The following AK9 variants were observed in gnomAD, a reference collection of about 807,000 sequenced individuals.
AK9 encodes the protein adenylate kinase domain containing 1.
In AK9, 191 loss-of-function variants were observed where a neutral mutation model predicts 239.6. The ratio of observed to expected loss-of-function variants is 0.80; its 90% confidence interval spans 0.71 to 0.90. The LOEUF (loss-of-function observed/expected upper bound fraction) is 0.90. Among genes scored for constraint, AK9 ranks in the 40% least tolerant of loss-of-function variants. The pLI is 0.00. For missense variants in AK9, 1,995 were observed against 2,214.7 expected, an observed-to-expected ratio of 0.90 and a Z score of 1.99; for synonymous variants, 689 against 721.0, an observed-to-expected ratio of 0.96 and a Z score of 0.71.
chr6:109,595,361 G>C (rs568457342), intron 17 of AK9, among the ~76,000 whole-genome samples: 10 of 152,340 alleles, frequency 6.6e-5, no homozygotes, highest in Non-Finnish European at 1.5e-4. Flanking sequence ...ACAGATGCTG[G>C]AGAGGACATG....
chr6:109,521,099 G>T (rs1430212315), intron 29 of AK9, among the ~76,000 whole-genome samples: 1 of 151,992 alleles, frequency 6.6e-6, no homozygotes, highest in Admixed American at 6.5e-5. Flanking sequence ...TCTCTTCACT[G>T]ATTGTTCTTT....
At chr6:109,510,031 T>C (rs1778530155) in intron 32 of AK9, among the ~76,000 whole-genome samples, 1 of 152,026 alleles carries the variant, frequency 6.6e-6, no homozygotes, top group Admixed American at 6.5e-5. Context: ...CCAGGGGCCA[T>C]TGATTCCTGG....
At position 109,516,545 on chromosome 6, in the gene AK9, T is replaced by C. The variant is rs1347461932; in HGVS notation, c.3731A>G (p.Glu1244Gly). Residue 1244 changes from glutamate (E) to glycine (G), a missense_variant, in exon 30 of 41, where the codon GAG (glutamate) becomes GGG (glycine). By Grantham distance (98) the Glu-to-Gly change is moderately conservative. Coordinates refer to ENST00000424296, the MANE Select transcript of AK9 (RefSeq NM_001145128.3). ...NILEDEFPKD[E>G]EEMSGEEDEE... ...ATCTTCCTCGCCACTCATCTCTTCC[T>C]CATCTTTTGGAAACTCATCTTCAAG... 2 of 1,551,654 alleles carry C rather than the reference T, an allele frequency of 1.3e-6. No individual in the cohort carries two copies. The highest frequency in any genetic ancestry group is 4.9e-5 in the East Asian group (2 of 40,908).
intron 8 of AK9, among the ~76,000 whole-genome samples, chr6:109,646,155 T>C (rs559683891): frequency 2.0e-5 from 3 of 152,262 alleles, no homozygotes; most frequent in Admixed American, 1.3e-4. Context: ...GCAGAACAGC[T>C]GAAAATTCTA....
At chr6:109,562,530 CA>C (rs1195758373) in intron 24 of AK9, among the ~76,000 whole-genome samples, 1 of 152,192 alleles carries the variant, frequency 6.6e-6, no homozygotes, top group Admixed American at 6.5e-5. Context: ...GCAGGTCACA[CA>C]ATCCTTCAGT....
intron 17 of AK9, among the ~76,000 whole-genome samples, chr6:109,605,636 A>G (rs1282564084): frequency 6.6e-6 from 1 of 152,152 alleles, no homozygotes; most frequent in Non-Finnish European, 1.5e-5. Flanking sequence ...CATGATGGGC[A>G]TCTCCCATGC....
chr6:109,588,009 T>C (rs1037522465), intron 17 of AK9, among the ~76,000 whole-genome samples: 14 of 152,168 alleles, frequency 9.2e-5, no homozygotes, highest in Non-Finnish European at 1.9e-4. Flanking sequence ...TATTTCATTG[T>C]GGTTTTAATG....
rs79796830 is a variant in AK9 at position 109,559,167 on chromosome 6, G to GTTTT, written c.2751+4426_2751+4429dup. 4.5e-3 allele frequency among the ~76,000 whole-genome samples: 649 copies of GTTTT among 145,192 alleles called. 5 individuals are homozygous for GTTTT. The highest frequency in any genetic ancestry group is 0.014 in the Admixed American group (202 of 14,520). On this transcript the variant is annotated intron_variant, in intron 24 of 40. Transcript: ENST00000424296. Reference sequence around the variant, plus strand: ...ATACTCAGCCATGGTATATCTATCTGTTTTTTTTTTTGTTTTTTTGAGATG... The same window carrying GTTTT: ...ATACTCAGCCATGGTATATCTATCTGTTTTTTTTTTTTTTTGTTTTTTTGAGATG...
At chr6:109,498,448 A>C (rs1777286049) in intron 36 of AK9, among the ~76,000 whole-genome samples, 1 of 152,240 alleles carries the variant, frequency 6.6e-6, no homozygotes, top group Admixed American at 6.5e-5. Flanking sequence ...TCTCATAATA[A>C]AGGGAACAAC....
chr6:109,545,727 AG>A (rs1264928231), intron 26 of AK9, 139 bp downstream of exon 26: 12 of 1,021,798 alleles, frequency 1.2e-5, no homozygotes, highest in Non-Finnish European at 1.7e-5. Flanking sequence ...ACCTGAGCCC[AG>A]GGAAGTTGAG....
chr6:109,547,271 A>C (rs191680136), intron 25 of AK9, among the ~76,000 whole-genome samples: 2 of 152,364 alleles, frequency 1.3e-5, no homozygotes, highest in East Asian at 3.9e-4. Flanking sequence ...TGTTCATTTT[A>C]AGAAGGCATT....
chr6:109,658,007 ATTATT>A (rs1394901219), intron 7 of AK9, among the ~76,000 whole-genome samples: 1 of 152,192 alleles, frequency 6.6e-6, no homozygotes, highest in Non-Finnish European at 1.5e-5. Flanking sequence ...TGTTTTAAGT[ATTATT>A]TTAATAGTCA....
chr6:109,587,702 C>T (rs1385156980), intron 17 of AK9, among the ~76,000 whole-genome samples: 2 of 152,164 alleles, frequency 1.3e-5, no homozygotes, highest in African/African-American at 4.8e-5. Context: ...CACTAATGAA[C>T]ACTTAGGTTG....
At chr6:109,639,298 T>G (rs1797105876) in intron 10 of AK9, among the ~76,000 whole-genome samples, 1 of 152,226 alleles carries the variant, frequency 6.6e-6, no homozygotes, top group Non-Finnish European at 1.5e-5. Flanking sequence ...TTTCTCCACA[T>G]CTTCTCCAGC....
intron 1 of AK9, among the ~76,000 whole-genome samples, chr6:109,684,798 C>T (rs1257859206): frequency 1.3e-4 from 17 of 129,060 alleles, no homozygotes; most frequent in Admixed American, 6.8e-4. Flanking sequence ...GGCGTGAACC[C>T]GGGAGGCAGA....
Position 109,529,002 on chromosome 6 carries a change from A to T in AK9, c.3633+9T>A, listed in dbSNP as rs200952602. ...ACCCTGTTTTGAAAAAAAAAACAAA[A>T]CTACTTACCTCCCTCCTTTTTTTAT... On this transcript the variant is annotated intron_variant, in intron 29 of 40. Coordinates refer to ENST00000424296, the MANE Select transcript of AK9 (RefSeq NM_001145128.3). The T allele has an allele frequency of 6.3e-7, 1 of 1,598,850 alleles. No homozygotes were observed. The highest frequency in any genetic ancestry group is 1.1e-5 in the South Asian group (1 of 89,480).
At chr6:109,497,360 A>ACC in intron 38 of AK9, 105 bp downstream of exon 38, 4 of 552,772 alleles carry the variant, frequency 7.2e-6, no homozygotes, top group East Asian at 4.1e-5. Flanking sequence ...ACACACACAC[A>ACC]CACTCTCTCT....
At chr6:109,542,024 C>G in intron 27 of AK9, 23 bp downstream of exon 27, 1 of 1,510,656 alleles carries the variant, frequency 6.6e-7, no homozygotes, top group Non-Finnish European at 8.9e-7. Context: ...AATAAATGTA[C>G]AATTCTATAT....
At chr6:109,506,577 A>G in intron 34 of AK9, 30 bp from the exon 35 acceptor site, 3 of 1,546,776 alleles carry the variant, frequency 1.9e-6, no homozygotes, top group Non-Finnish European at 2.6e-6. Flanking sequence ...GGAATGGAAA[A>G]AGCTGTTAAA....
Sources: gnomAD v4.1 joint callset for allele counts (sites outside exome capture counted in the v4.1 genomes callset) on GRCh38, gnomAD v4.1.1 for gene constraint, MANE v1.5 for transcripts, NCBI Gene and HGNC (gene_info 2026-07-23, HGNC 2026-07-21) for gene names.